Variants in KIAA1755 observed in about 807,000 individuals in gnomAD.
KIAA1755 encodes KIAA1755.
KIAA1755 carries 68 observed loss-of-function variants against 91.7 expected under a neutral mutation model. The observed-to-expected ratio is 0.74, with a 90% CI of 0.61 to 0.91. KIAA1755 has a LOEUF of 0.91. KIAA1755 is among the 40% of genes least tolerant of loss of function. The pLI, the probability that KIAA1755 is intolerant of heterozygous loss-of-function variation, is 0.00. For missense variants in KIAA1755, 1,535 were observed against 1,494.4 expected (o/e 1.03, Z -0.45); for synonymous variants, 610 against 604.6 (o/e 1.01, Z -0.13).
chr20:38,229,918 T>G (rs2075830056), intron 5 of KIAA1755, among the ~76,000 whole-genome samples: 1 of 152,114 alleles, frequency 6.6e-6, no homozygotes, highest in Non-Finnish European at 1.5e-5. Flanking sequence ...CCACTCCACC[T>G]TGGACAAGAA....
Position 38,240,697 on chromosome 20 carries a change from C to T in KIAA1755, c.1434G>A (p.Gly478=), listed in dbSNP as rs1414635893. 6.4e-7 allele frequency: 1 copy of T among 1,563,782 alleles called. No individual in the cohort carries two copies. Among genetic ancestry groups the T allele is most frequent in the Admixed American group, 1.9e-5 (1 of 53,118 alleles). ...TPGLKFSFLR[G]QRQPSVTPEK... ...CCGGGGTCACAGAGGGTTGCCTCTG[C>T]CCTCTCAAGAATGAGAATTTGAGCC... is the stretch of plus-strand genomic sequence containing the variant. The change falls in exon 3 of 14, where the codon GGG becomes GGA. Residue 478 remains glycine, a synonymous_variant. Coordinates refer to ENST00000279024, the MANE Select transcript of KIAA1755 (RefSeq NM_001029864.2).
intron 1 of KIAA1755, among the ~76,000 whole-genome samples, chr20:38,248,681 TTTA>T (rs139229061): frequency 0.57 from 81,866 of 144,616 alleles, 23,255 homozygotes; most frequent in East Asian, 0.7. Flanking sequence ...TTGTCTTCTC[TTTA>T]TTATTATTAT....
At chr20:38,236,592 G>A (rs1311039768) in intron 4 of KIAA1755, among the ~76,000 whole-genome samples, 3 of 152,194 alleles carry the variant, frequency 2.0e-5, no homozygotes, top group Non-Finnish European at 2.9e-5. Flanking sequence ...CTAATGGCAA[G>A]TGAAGAAAGC....
chr20:38,235,924 G>T lies in KIAA1755; in HGVS notation c.1747+3604C>A, dbSNP rs1007852433. On this transcript the variant is annotated intron_variant, in intron 4 of 13. Transcript: ENST00000279024. Reference sequence around the variant, plus strand: ...CGGGGAGACCTGCTTCACAGGGCTGGCTTGGAGCAGATCTAGATCTTGAAG... The same window carrying T: ...CGGGGAGACCTGCTTCACAGGGCTGTCTTGGAGCAGATCTAGATCTTGAAG... Among the ~76,000 whole-genome samples the T allele has an allele frequency of 5.3e-5, 8 of 152,196 alleles. No homozygotes were observed. In the East Asian group the frequency reaches 9.6e-4, roughly 18 times the overall value.
rs371094348 is a variant in KIAA1755 at position 38,213,770 on chromosome 20, G to T, written c.2902-27C>A. 13 of 1,422,214 alleles carry T rather than the reference G, an allele frequency of 9.1e-6. No individual in the cohort carries two copies. In the African/African-American group the frequency reaches 1.9e-4, roughly 20 times the overall value. 88.1% of individuals were successfully genotyped at this position (1,422,214 alleles called of 1,614,324 possible). On this transcript the variant is annotated intron_variant, in intron 13 of 13. Coordinates refer to ENST00000279024, the MANE Select transcript of KIAA1755 (RefSeq NM_001029864.2). The stretch of plus-strand genomic sequence containing the variant: ...TGGGGGACAAGAAGAGAGGGAGGTG[G>T]GGGCTCAGGCTGGAAGTGGGACCAT...
At chr20:38,230,534 T>G (rs1316857826) in intron 5 of KIAA1755, among the ~76,000 whole-genome samples, 2 of 152,152 alleles carry the variant, frequency 1.3e-5, no homozygotes, top group African/African-American at 2.4e-5. Flanking sequence ...TCAGAAAATC[T>G]GGGGGATGGG....
At chr20:38,245,641 C>T (rs968260704) in intron 2 of KIAA1755, among the ~76,000 whole-genome samples, 1 of 152,208 alleles carries the variant, frequency 6.6e-6, no homozygotes, top group Non-Finnish European at 1.5e-5. Flanking sequence ...AGGCGCAGGG[C>T]AGGCTCCCCA....
rs1216586793 is a variant in KIAA1755 at position 38,222,740 on chromosome 20, C to T, written c.2269-143G>A. ...AAGTCTGTCATTTCTGTCTCTAAAA[C>T]ATCCCCTCTAGCCATGTCCCCTCTC... On this transcript the variant is annotated intron_variant, in intron 9 of 13. Transcript: ENST00000279024. The T allele has an allele frequency of 9.2e-6, 8 of 874,276 alleles. No individual in the cohort carries two copies. The East Asian group carries it at 1.1e-4, about 12-fold the overall frequency. 54.2% of individuals were successfully genotyped at this position (874,276 alleles called of 1,614,324 possible). A position where few individuals can be genotyped will look rare whatever the true frequency, so the allele number is the denominator to read the frequency against.
intron 1 of KIAA1755, among the ~76,000 whole-genome samples, chr20:38,255,543 G>A (rs918775535): frequency 2.0e-5 from 3 of 152,222 alleles, no homozygotes; most frequent in Non-Finnish European, 2.9e-5. Context: ...GTGTCAGGTT[G>A]TAATTTCCAG....
intron 1 of KIAA1755, among the ~76,000 whole-genome samples, chr20:38,257,173 A>G (rs2056682608): frequency 6.6e-6 from 1 of 152,188 alleles, no homozygotes; most frequent in South Asian, 2.1e-4. Context: ...TGCCTTCTCC[A>G]TGGACTGCCA....
intron 1 of KIAA1755, among the ~76,000 whole-genome samples, chr20:38,253,464 A>G (rs1185957032): frequency 6.6e-6 from 1 of 152,156 alleles, no homozygotes; most frequent in Non-Finnish European, 1.5e-5. Context: ...CCCTGTAACC[A>G]CTTACCCAGA....
intron 11 of KIAA1755, among the ~76,000 whole-genome samples, chr20:38,219,250 C>T (rs771454626): frequency 1.3e-5 from 2 of 152,142 alleles, no homozygotes; most frequent in Non-Finnish European, 2.9e-5. Flanking sequence ...AATCAGACCC[C>T]GAGATATGCA....
intron 2 of KIAA1755, among the ~76,000 whole-genome samples, chr20:38,242,250 T>C (rs977942988): frequency 6.6e-6 from 1 of 152,212 alleles, no homozygotes; most frequent in African/African-American, 2.4e-5. Flanking sequence ...ATCCAGAACA[T>C]TTCCCAACCC....
At position 38,241,692 on chromosome 20, in the gene KIAA1755, G is replaced by C; in HGVS notation, c.439C>G (p.Gln147Glu). 6.2e-7 allele frequency: 1 copy of C among 1,614,234 alleles called. No homozygotes were observed. Among genetic ancestry groups the C allele is most frequent in the Non-Finnish European group, 8.5e-7 (1 of 1,180,052 alleles). ...CTGTTGATGGCCTCCAGCCATTCTT[G>C]GGTGAAAAGTATAGGGTAGGCTGGC... is the stretch of plus-strand genomic sequence containing the variant. The part of the protein sequence containing the change: ...PEPAYPILFT[Q>E]EWLEAINSDF... The change falls in exon 3 of 14, where the codon CAA becomes GAA. Residue 147 changes from glutamine to glutamate, a missense_variant. Gln to Glu is a conservative substitution (Grantham distance 29). Transcript: ENST00000279024.
intron 5 of KIAA1755, among the ~76,000 whole-genome samples, chr20:38,229,622 T>C (rs2075825241): frequency 6.6e-6 from 1 of 152,188 alleles, no homozygotes; most frequent in South Asian, 2.1e-4. Flanking sequence ...CAGCCAATGT[T>C]CATTCAGAGC....
intron 6 of KIAA1755, among the ~76,000 whole-genome samples, chr20:38,227,475 C>T (rs1246573356): frequency 6.6e-6 from 1 of 152,238 alleles, no homozygotes; most frequent in Non-Finnish European, 1.5e-5. Flanking sequence ...TGACCTGCCC[C>T]TCTGGGCCCC....
At chr20:38,228,034 C>T in intron 6 of KIAA1755, 113 bp downstream of exon 6, 1 of 643,676 alleles carries the variant, frequency 1.6e-6, no homozygotes, top group South Asian at 3.0e-5. Context: ...AGTAAAAGTC[C>T]CTGCCTGAGA....
Position 38,246,806 on chromosome 20 carries a change from G to T in KIAA1755, c.4-680C>A, listed in dbSNP as rs185732593. ...ACTTCCCAAACCTGCTCCTCCCCCA[G>T]TCCTACCTCGGTGATGACCCCACCG... On this transcript the variant is annotated intron_variant, in intron 1 of 13. Coordinates refer to ENST00000279024, the MANE Select transcript of KIAA1755 (RefSeq NM_001029864.2). Among the ~76,000 whole-genome samples the T allele has an allele frequency of 1.7e-3, 260 of 152,130 alleles. 2 individuals are homozygous for T. The highest frequency in any genetic ancestry group is 3.7e-3 in the Admixed American group (57 of 15,286).
chr20:38,213,433 CTTCGT>C lies in KIAA1755; in HGVS notation c.3207_3211del (p.Arg1071GlyfsTer65), dbSNP rs1484825791. The C allele has an allele frequency of 1.2e-6, 2 of 1,601,444 alleles. No homozygotes were observed. Among genetic ancestry groups the C allele is most frequent in the Non-Finnish European group, 8.5e-7 (1 of 1,173,802 alleles). On this transcript the variant is annotated frameshift_variant, in exon 14 of 14. Transcript: ENST00000279024. LOFTEE classifies it low-confidence loss of function (END_TRUNC). Reference sequence around the variant, plus strand: ...ACCCTGGCCCTTGGCTGCCACCCCTCTTCGTTCTGGGCGCGCTGAGTGAGCAGCTG... The same window carrying C: ...ACCCTGGCCCTTGGCTGCCACCCCTCTCTGGGCGCGCTGAGTGAGCAGCTG...
Sources: gnomAD v4.1 joint callset for allele counts (sites outside exome capture counted in the v4.1 genomes callset) on GRCh38, gnomAD v4.1.1 for gene constraint, MANE v1.5 for transcripts, NCBI Gene and HGNC (gene_info 2026-07-23, HGNC 2026-07-21) for gene names.